Variants in ARMC9 observed in about 807,000 individuals in gnomAD.
ARMC9 encodes lisH domain-containing protein ARMC9.
Under a neutral mutation model 107.0 loss-of-function variants are expected in ARMC9, and 94 were observed. The observed-to-expected ratio is 0.88, with a 90% CI of 0.74 to 1.04. The LOEUF (loss-of-function observed/expected upper bound fraction) is 1.04. Among genes scored for constraint, ARMC9 ranks in the 50% least tolerant of loss-of-function variants. The probability of loss-of-function intolerance (pLI) is 0.00; values close to 1 mark genes in which losing one functional copy is unlikely to be tolerated. For missense variants in ARMC9, 942 were observed against 1,030.1 expected (o/e 0.91, Z 1.17); for synonymous variants, 380 against 396.9 (o/e 0.96, Z 0.51).
At chr2:231,241,113 G>A (rs745705437) in intron 9 of ARMC9, among the ~76,000 whole-genome samples, 20 of 150,738 alleles carry the variant, frequency 1.3e-4, no homozygotes, top group Non-Finnish European at 2.6e-4. Context: ...CAGGAGAATC[G>A]CTTGAACCCG....
At chr2:231,242,038 G>C (rs755292781) in intron 9 of ARMC9, among the ~76,000 whole-genome samples, 14 of 152,072 alleles carry the variant, frequency 9.2e-5, no homozygotes, top group Non-Finnish European at 2.1e-4. Context: ...ACACCCACAA[G>C]TCCGCCACAT....
At chr2:231,225,058 G>A (rs539508885) in intron 6 of ARMC9, among the ~76,000 whole-genome samples, 1 of 152,282 alleles carries the variant, frequency 6.6e-6, no homozygotes, top group South Asian at 2.1e-4. Flanking sequence ...AATAACAGTT[G>A]TATTTGCAAA....
intron 20 of ARMC9, among the ~76,000 whole-genome samples, chr2:231,342,340 T>G (rs181812758): frequency 2.4e-4 from 36 of 152,366 alleles, no homozygotes; most frequent in African/African-American, 8.4e-4. Context: ...TCCAGGTTTC[T>G]GTAGTTTAAG....
rs187125033 is a variant in ARMC9, at chr2:231,281,562, G to A, written c.1552-497G>A. 1.1e-4 allele frequency among the ~76,000 whole-genome samples: 16 copies of A among 152,278 alleles called. 1 individual carries two copies. In the East Asian group the frequency reaches 2.5e-3, roughly 24 times the overall value. On this transcript the variant is annotated intron_variant, in intron 16 of 24. Coordinates refer to ENST00000611582, the MANE Select transcript of ARMC9 (RefSeq NM_001352754.2). Reference sequence around the variant, plus strand: ...ACGCTATAGAATGTTGGTAGTGATCGATGGTTACATTAAAGGGTGAATATT... The same window carrying A: ...ACGCTATAGAATGTTGGTAGTGATCAATGGTTACATTAAAGGGTGAATATT...
rs2037534879 is a variant in ARMC9, at chr2:231,254,046, A to G, written c.880-2540A>G. Among the ~76,000 whole-genome samples the G allele has an allele frequency of 1.3e-5, 2 of 152,208 alleles. 1 individual carries two copies. The highest frequency in any genetic ancestry group is 4.1e-4 in the South Asian group (2 of 4,830). ...GTTGGATGGCCTGGGTGGGACTTAC[A>G]TGACGCAGCACAGCTGGCTCTCGGG... is the stretch of plus-strand genomic sequence containing the variant. On this transcript the variant is annotated intron_variant, in intron 9 of 24. Transcript: ENST00000611582.
chr2:231,265,077 A>G (rs903092703), intron 12 of ARMC9, among the ~76,000 whole-genome samples: 1 of 151,892 alleles, frequency 6.6e-6, no homozygotes, highest in Admixed American at 6.5e-5. Flanking sequence ...TAGCCTGGCG[A>G]CAGAGTGAGA....
intron 1 of ARMC9, among the ~76,000 whole-genome samples, chr2:231,205,095 T>C (rs1204933204): frequency 2.0e-5 from 3 of 151,614 alleles, no homozygotes; most frequent in African/African-American, 7.3e-5. Flanking sequence ...TGACTGAGTG[T>C]GGTGGCTCAC....
intron 19 of ARMC9, among the ~76,000 whole-genome samples, chr2:231,323,250 C>G (rs754776994): frequency 9.2e-5 from 14 of 152,010 alleles, no homozygotes; most frequent in East Asian, 3.9e-4. Context: ...GCTGGAAGGC[C>G]TGAGTTGGCA....
intron 21 of ARMC9, among the ~76,000 whole-genome samples, chr2:231,350,946 C>CTT (rs770225857): frequency 0.013 from 658 of 50,620 alleles, 200 homozygotes; most frequent in African/African-American, 0.054. Context: ...AGTGACAATT[C>CTT]TTTTTTTTTT....
At chr2:231,353,614 C>G (rs2045198693) in intron 21 of ARMC9, among the ~76,000 whole-genome samples, 1 of 151,280 alleles carries the variant, frequency 6.6e-6, no homozygotes, top group Non-Finnish European at 1.5e-5. Flanking sequence ...ACAGCCAAGC[C>G]AGAGTCCAGC....
chr2:231,251,684 T>A (rs1034440665), intron 9 of ARMC9, among the ~76,000 whole-genome samples: 9 of 152,194 alleles, frequency 5.9e-5, no homozygotes, highest in African/African-American at 1.9e-4. Flanking sequence ...GTAGGTATGC[T>A]TTGCTTGCCA....
At chr2:231,306,983 C>G (rs376231108) in intron 19 of ARMC9, among the ~76,000 whole-genome samples, 1 of 152,180 alleles carries the variant, frequency 6.6e-6, no homozygotes, top group East Asian at 1.9e-4. Context: ...GGATGGTGCT[C>G]AGGGCTGGAT....
intron 20 of ARMC9, among the ~76,000 whole-genome samples, chr2:231,338,256 C>T (rs117754300): frequency 0.031 from 4,597 of 150,502 alleles, 228 homozygotes; most frequent in African/African-American, 0.11. Context: ...TCTTGCTCTG[C>T]TGCCCAGGCT....
intron 9 of ARMC9, among the ~76,000 whole-genome samples, chr2:231,244,389 CAG>C (rs1398758186): frequency 7.8e-6 from 1 of 128,116 alleles, no homozygotes; most frequent in African/African-American, 3.0e-5. Context: ...TTTTTTGAGA[CAG>C]GGTCTCGCTC....
chr2:231,346,537 G>T (rs148638506), intron 21 of ARMC9, among the ~76,000 whole-genome samples: 26 of 152,202 alleles, frequency 1.7e-4, no homozygotes, highest in Non-Finnish European at 3.2e-4. Flanking sequence ...TATAAAAAAA[G>T]AATATTACAC....
Position 231,219,492 on chromosome 2 carries a change from G to A in ARMC9, c.504+2699G>A, listed in dbSNP as rs111646402. Among the ~76,000 whole-genome samples, 1,066 of 152,190 alleles carry A rather than the reference G, an allele frequency of 7.0e-3. 8 individuals are homozygous for A. The highest frequency in any genetic ancestry group is 0.022 in the African/African-American group (924 of 41,508). On this transcript the variant is annotated intron_variant, in intron 5 of 24. Transcript: ENST00000611582. ...GCTAGATTGCATCATTTCCTAGCTC[G>A]CATTGCTGCTATTTTGAAGTTGGCT...
intron 20 of ARMC9, among the ~76,000 whole-genome samples, chr2:231,339,662 G>A (rs536606097): frequency 2.6e-5 from 4 of 152,328 alleles, no homozygotes; most frequent in South Asian, 2.1e-4. Flanking sequence ...ACACTAGGCC[G>A]GGAGCAGTGG....
At chr2:231,325,182 C>T (rs1161364881) in intron 19 of ARMC9, among the ~76,000 whole-genome samples, 2 of 152,122 alleles carry the variant, frequency 1.3e-5, no homozygotes, top group Admixed American at 6.5e-5. Flanking sequence ...CCCTTGATTA[C>T]GCCACTGCTT....
rs2045081834 is a variant in ARMC9 at position 231,351,529 on chromosome 2, GATC to G, written c.1995-4263_1995-4261del. On this transcript the variant is annotated intron_variant, in intron 21 of 24. Transcript: ENST00000611582. ...TATTCCAGCAGCCAGAGAGAATTATGATCATCATTTTAGTGTATTACATTTAGT... is the reference window on the plus strand; with the variant it reads ...TATTCCAGCAGCCAGAGAGAATTATGATCATTTTAGTGTATTACATTTAGT... 2.6e-5 allele frequency among the ~76,000 whole-genome samples: 4 copies of G among 152,186 alleles called. No homozygotes were observed. The East Asian group carries it at 7.7e-4, about 29-fold the overall frequency.
Sources: gnomAD v4.1 joint callset for allele counts (sites outside exome capture counted in the v4.1 genomes callset) on GRCh38, gnomAD v4.1.1 for gene constraint, MANE v1.5 for transcripts, NCBI Gene and HGNC (gene_info 2026-07-23, HGNC 2026-07-21) for gene names.